The following B4GALNT4 variants were observed in gnomAD, a reference collection of about 807,000 sequenced individuals.
B4GALNT4 encodes N-acetyl-beta-glucosaminyl-glycoprotein 4-beta-N-acetylgalactosaminyltransferase 1.
B4GALNT4 carries 77 observed loss-of-function variants against 110.0 expected under a neutral mutation model. That is an observed-to-expected ratio of 0.70 (90% CI 0.58 to 0.85). The LOEUF is 0.85. Ranked by LOEUF, B4GALNT4 falls within the 40% of genes least tolerant of loss-of-function variation. B4GALNT4 has a pLI of 0.00. For synonymous variants in B4GALNT4, 785 were observed against 655.5 expected, an observed-to-expected ratio of 1.20 and a Z score of -3.02; for missense variants, 1,575 against 1,506.0, an observed-to-expected ratio of 1.05 and a Z score of -0.76.
chr11:370,744 C>T (rs1271211716), intron 1 of B4GALNT4, among the ~76,000 whole-genome samples: 1 of 152,128 alleles, frequency 6.6e-6, no homozygotes, highest in African/African-American at 2.4e-5. Flanking sequence ...ATGCCCAGAC[C>T]AGGAGAGACC....
At position 375,775 on chromosome 11, in the gene B4GALNT4, T is replaced by G; in HGVS notation, c.985+2T>G. ...ATCCCAGGGATACCTTTTTCCTCAG[T>G]GAGAGGGGGCCCGCGCGGGGGCGAG... is the stretch of plus-strand genomic sequence containing the variant. On this transcript the variant is annotated splice_donor_variant, in intron 10 of 19. Coordinates refer to ENST00000329962, the MANE Select transcript of B4GALNT4 (RefSeq NM_178537.5). LOFTEE classifies it high-confidence loss of function. The G allele has an allele frequency of 6.3e-7, 1 of 1,599,876 alleles. No homozygotes were observed. The highest frequency in any genetic ancestry group is 8.5e-7 in the Non-Finnish European group (1 of 1,176,522).
At position 375,743 on chromosome 11, in the gene B4GALNT4, C is replaced by T. The variant is rs1337433471; in HGVS notation, c.955C>T (p.Arg319Trp). 2 of 1,595,978 alleles carry T rather than the reference C, an allele frequency of 1.3e-6. No homozygotes were observed. The highest frequency in any genetic ancestry group is 1.7e-6 in the Non-Finnish European group (2 of 1,174,986). Reference sequence around the variant, plus strand: ...GGAGGAGACCAGCGCAGACATGCTGCGGCCAGATCCCAGGGATACCTTTTT... The same window carrying T: ...GGAGGAGACCAGCGCAGACATGCTGTGGCCAGATCCCAGGGATACCTTTTT... ...PQEETSADML[R>W]PDPRDTFFLT... is the part of the protein sequence containing the mutation. Residue 319 changes from arginine (R) to tryptophan (W), a missense_variant, in exon 10 of 20, where the codon CGG (arginine) becomes TGG (tryptophan). Physicochemically the swap from Arg to Trp is moderately radical, Grantham distance 101. Transcript: ENST00000329962.
chr11:373,440 A>AC lies in B4GALNT4; in HGVS notation c.637-3dup, dbSNP rs756345849. The AC allele has an allele frequency of 3.2e-6, 4 of 1,238,884 alleles. No individual in the cohort carries two copies. The highest frequency in any genetic ancestry group is 4.4e-6 in the Non-Finnish European group (4 of 913,722). 76.7% of individuals were successfully genotyped at this position (1,238,884 alleles called of 1,614,324 possible). On this transcript the variant is annotated splice_polypyrimidine_tract_variant and intron_variant, in intron 6 of 19. Coordinates refer to ENST00000329962, the MANE Select transcript of B4GALNT4 (RefSeq NM_178537.5). ...CCCCCACCACCACCCCTGCTCTATC[A>AC]CCCCCCAGACTGGCTCCGAGTGGAC...
Position 375,730 on chromosome 11 carries a change from C to T in B4GALNT4, c.942C>T (p.Ser314=), listed in dbSNP as rs749741035. The T allele has an allele frequency of 3.8e-6, 6 of 1,596,702 alleles. No individual in the cohort carries two copies. Among genetic ancestry groups the T allele is most frequent in the Admixed American group, 1.7e-5 (1 of 59,766 alleles). ...GGCGTCCGCCGCAGGAGGAGACCAGCGCAGACATGCTGCGGCCAGATCCCA... is the reference window on the plus strand; with the variant it reads ...GGCGTCCGCCGCAGGAGGAGACCAGTGCAGACATGCTGCGGCCAGATCCCA... ...VGGRPPQEET[S]ADMLRPDPRD... is the part of the protein sequence containing the mutation. The change falls in exon 10 of 20, where the codon AGC becomes AGT. Residue 314 remains serine (S), a synonymous_variant. Coordinates refer to ENST00000329962, the MANE Select transcript of B4GALNT4 (RefSeq NM_178537.5).
intron 1 of B4GALNT4, among the ~76,000 whole-genome samples, chr11:371,237 C>G (rs1672849380): frequency 1.3e-5 from 2 of 152,194 alleles, no homozygotes; most frequent in South Asian, 4.1e-4. Context: ...AGCCCAACAG[C>G]TGCCCAGGGA....
rs1291773272 is a variant in B4GALNT4 at position 370,021 on chromosome 11, CGGCGCGGGG to C, written c.151+76_151+84del. 8.5e-3 allele frequency: 339 copies of C among 39,736 alleles called. 4 individuals carry two copies. The highest frequency in any genetic ancestry group is 0.067 in the East Asian group (58 of 868). 2.5% of individuals were successfully genotyped at this position (39,736 alleles called of 1,614,324 possible). ...GCGCGGGGGGCGCGGGGGGCGCGGGCGGCGCGGGGGGCGCGGGCGGCGCGGGCGGCGGGG... is the reference window on the plus strand; with the variant it reads ...GCGCGGGGGGCGCGGGGGGCGCGGGCGGCGCGGGCGGCGCGGGCGGCGGGG... On this transcript the variant is annotated intron_variant, in intron 1 of 19. Coordinates refer to ENST00000329962, the MANE Select transcript of B4GALNT4 (RefSeq NM_178537.5).
rs150968742 is a variant in B4GALNT4 at position 380,025 on chromosome 11, G to T, written c.2642+6G>T. On this transcript the variant is annotated splice_donor_region_variant and intron_variant, in intron 16 of 19. Transcript: ENST00000329962. ...CGCGCCGCGCGCCTGCCCCGGTAAC[G>T]ACCCCTACTTCCACCTGGGCGGACC... The T allele has an allele frequency of 6.2e-7, 1 of 1,611,176 alleles. No individual in the cohort carries two copies. Among genetic ancestry groups the T allele is most frequent in the African/African-American group, 1.3e-5 (1 of 74,854 alleles).
At chr11:375,315 C>G in intron 8 of B4GALNT4, 146 bp from the exon 9 acceptor site, 2 of 819,898 alleles carry the variant, frequency 2.4e-6, no homozygotes, top group Non-Finnish European at 4.0e-6. Flanking sequence ...CTTCTTGGAA[C>G]GCCCCGGACC....
At chr11:379,738 G>A (rs773596759) in intron 15 of B4GALNT4, 37 bp downstream of exon 15, 2 of 1,500,154 alleles carry the variant, frequency 1.3e-6, no homozygotes, top group African/African-American at 1.4e-5. Context: ...GGGAGACCTC[G>A]TGGAAGGAAC....
chr11:377,356 G>A (rs747221015), intron 14 of B4GALNT4, 29 bp downstream of exon 14: 2 of 1,474,440 alleles, frequency 1.4e-6, no homozygotes, highest in Non-Finnish European at 8.9e-7. Flanking sequence ...GCGCGCCAGG[G>A]CGGTTTTGGA....
chr11:372,642 T>C lies in B4GALNT4; in HGVS notation c.256-20T>C. On this transcript the variant is annotated intron_variant, in intron 2 of 19. Coordinates refer to ENST00000329962, the MANE Select transcript of B4GALNT4 (RefSeq NM_178537.5). Reference sequence around the variant, plus strand: ...CCCTGCCCTTCCAACCCTGACCCTGTTGCCTTTTCTCTCCTGCAGCCCGAA... The same window carrying C: ...CCCTGCCCTTCCAACCCTGACCCTGCTGCCTTTTCTCTCCTGCAGCCCGAA... 1.9e-6 allele frequency: 3 copies of C among 1,605,410 alleles called. No homozygotes were observed. Among genetic ancestry groups the C allele is most frequent in the Non-Finnish European group, 2.6e-6 (3 of 1,175,180 alleles).
rs1343053605 is a variant in B4GALNT4 at position 373,111 on chromosome 11, G to C, written c.530G>C (p.Arg177Thr). 1 of 1,612,620 alleles carries C rather than the reference G, an allele frequency of 6.2e-7. No individual in the cohort carries two copies. Among genetic ancestry groups the C allele is most frequent in the Non-Finnish European group, 8.5e-7 (1 of 1,179,904 alleles). The change falls in exon 5 of 20, where the codon AGG becomes ACG. Residue 177 changes from arginine (R) to threonine (T), a missense_variant. Arg to Thr is a moderately conservative substitution (Grantham distance 71). Coordinates refer to ENST00000329962, the MANE Select transcript of B4GALNT4 (RefSeq NM_178537.5). The part of the protein sequence containing the change: ...LRIFGFIHPA[R>T]DGDVQFSVAS... The stretch of plus-strand genomic sequence containing the variant: ...ATTTTTGGTTTCATCCACCCGGCGA[G>C]GGACGGTACGGGGGTGAGGGTGCCC...
At chr11:372,325 G>C (rs1846631842) in intron 2 of B4GALNT4, 113 bp downstream of exon 2, 2 of 957,802 alleles carry the variant, frequency 2.1e-6, no homozygotes, top group Non-Finnish European at 3.2e-6. Context: ...GGGGGCATGA[G>C]ACACAGGACA....
At chr11:371,352 C>T (rs1846615822) in intron 1 of B4GALNT4, among the ~76,000 whole-genome samples, 1 of 152,144 alleles carries the variant, frequency 6.6e-6, no homozygotes, top group Non-Finnish European at 1.5e-5. Context: ...TACTGCCTCC[C>T]CACAAGCCTG....
chr11:373,875 C>G, intron 8 of B4GALNT4, 47 bp downstream of exon 8: 1 of 1,576,316 alleles, frequency 6.3e-7, no homozygotes, highest in East Asian at 2.2e-5. Flanking sequence ...CCACTCCCCC[C>G]ACCTCCCTGC....
At position 380,421 on chromosome 11, in the gene B4GALNT4, G is replaced by A. The variant is rs1846850664; in HGVS notation, c.2845G>A (p.Gly949Arg). The change falls in exon 18 of 20, where the codon GGG (glycine) becomes AGG (arginine). Residue 949 changes from glycine (G) to arginine (R), a missense_variant. Physicochemically the swap from Gly to Arg is moderately radical, Grantham distance 125. Transcript: ENST00000329962. ...FAPVVMRLSC[G>R]SSPRDPHGYW... is the part of the protein sequence containing the mutation. ...GCCCGTGGTCATGCGCCTGAGCTGCGGGAGCTCGCCCCGGGACCCCCACGG... is the reference window on the plus strand; with the variant it reads ...GCCCGTGGTCATGCGCCTGAGCTGCAGGAGCTCGCCCCGGGACCCCCACGG... 2 of 1,607,878 alleles carry A rather than the reference G, an allele frequency of 1.2e-6. No individual in the cohort carries two copies.
At chr11:373,951 A>G in intron 8 of B4GALNT4, 123 bp downstream of exon 8, 1 of 967,972 alleles carries the variant, frequency 1.0e-6, no homozygotes, top group Non-Finnish European at 1.6e-6. Context: ...CATGGGCCTG[A>G]GGTCAGGAGG....
chr11:373,024 A>C lies in B4GALNT4; in HGVS notation c.445-2A>C. The C allele has an allele frequency of 6.2e-7, 1 of 1,612,500 alleles. No individual in the cohort carries two copies. The highest frequency in any genetic ancestry group is 8.5e-7 in the Non-Finnish European group (1 of 1,179,854). On this transcript the variant is annotated splice_acceptor_variant, in intron 4 of 19. Coordinates refer to ENST00000329962, the MANE Select transcript of B4GALNT4 (RefSeq NM_178537.5). LOFTEE classifies it high-confidence loss of function. Reference sequence around the variant, plus strand: ...CGACAGCAACAGTCACTGCCCCCCCAGACGCGCACCACCGTGAAGAAGTTG... The same window carrying C: ...CGACAGCAACAGTCACTGCCCCCCCCGACGCGCACCACCGTGAAGAAGTTG...
At position 376,066 on chromosome 11, in the gene B4GALNT4, C is replaced by T. The variant is rs1435275121; in HGVS notation, c.1096-8C>T. The T allele has an allele frequency of 5.0e-6, 8 of 1,602,488 alleles. No homozygotes were observed. The highest frequency in any genetic ancestry group is 2.7e-5 in the African/African-American group (2 of 74,762). On this transcript the variant is annotated splice_region_variant and splice_polypyrimidine_tract_variant and intron_variant, in intron 11 of 19. Transcript: ENST00000329962. ...GCGCCCTGAGCCCTGCGCCCCCCCA[C>T]CCCCCAGGTGTACCTGTCCTTCGTT... is the stretch of plus-strand genomic sequence containing the variant.
Sources: gnomAD v4.1 joint callset for allele counts (sites outside exome capture counted in the v4.1 genomes callset) on GRCh38, gnomAD v4.1.1 for gene constraint, MANE v1.5 for transcripts, NCBI Gene and HGNC (gene_info 2026-07-23, HGNC 2026-07-21) for gene names.